The following C8orf90 variants were observed in gnomAD, a reference collection of about 807,000 sequenced individuals.
C8orf90 encodes chromosome 8 open reading frame 90.
the C8orf90 span, chr8:141,518,203 C>T: frequency 3.5e-6 from 2 of 573,728 alleles, no homozygotes; most frequent in Admixed American, 6.6e-5. Flanking sequence ...TTCACTGTCC[C>T]CTCCGCCCGC....
chr8:141,516,197 C>T, the C8orf90 span, among the ~76,000 whole-genome samples: 10 of 152,324 alleles, frequency 6.6e-5, no homozygotes, highest in Non-Finnish European at 1.0e-4. Context: ...ACCGCTCTTT[C>T]CCAGGTCGTT....
chr8:141,518,356 G>C, the C8orf90 span: 1 of 676,884 alleles, frequency 1.5e-6, no homozygotes, highest in Non-Finnish European at 2.7e-6. Flanking sequence ...CGTGCTCACC[G>C]AGAACTTCAC....
chr8:141,518,384 C>T, the C8orf90 span: 2 of 676,842 alleles, frequency 3.0e-6, no homozygotes, highest in South Asian at 1.5e-5. Context: ...TTCCCGTTCG[C>T]CTGGCCGCCG....
At chr8:141,514,978 C>T in the C8orf90 span, among the ~76,000 whole-genome samples, 1 of 151,984 alleles carries the variant, frequency 6.6e-6, no homozygotes, top group African/African-American at 2.4e-5. Flanking sequence ...CCCTACGCTC[C>T]CCAATGCTCT....
chr8:141,517,349 C>T, the C8orf90 span, among the ~76,000 whole-genome samples: 1 of 152,220 alleles, frequency 6.6e-6, no homozygotes, highest in Non-Finnish European at 1.5e-5. Flanking sequence ...CAAGTGAGGT[C>T]CCATGGCTGC....
the C8orf90 span, chr8:141,518,346 C>G: frequency 1.5e-6 from 1 of 674,436 alleles, no homozygotes. Context: ...TCGCCATCCG[C>G]GTGCTCACCG....
chr8:141,517,231 A>G, the C8orf90 span, among the ~76,000 whole-genome samples: 1 of 66,586 alleles, frequency 1.5e-5, no homozygotes, highest in African/African-American at 3.8e-5. Flanking sequence ...ATTCATGGTC[A>G]TATTCATCCA....
the C8orf90 span, chr8:141,514,771 A>C: frequency 1.4e-6 from 1 of 700,618 alleles, no homozygotes; most frequent in Non-Finnish European, 2.6e-6. Flanking sequence ...CAGGCGAGAC[A>C]CTTGGTGAGG....
the C8orf90 span, chr8:141,518,501 C>T: frequency 1.1e-5 from 7 of 615,198 alleles, no homozygotes; most frequent in Non-Finnish European, 2.0e-5. Flanking sequence ...CTGCTGCGGC[C>T]CCTGCACGCC....
chr8:141,514,974 G>C, the C8orf90 span, among the ~76,000 whole-genome samples: 15,319 of 151,938 alleles, frequency 0.1, 871 homozygotes, highest in African/African-American at 0.14. Flanking sequence ...TCCTCCCTAC[G>C]CTCCCCAATG....
At chr8:141,518,284 C>T in the C8orf90 span, 1 of 662,256 alleles carries the variant, frequency 1.5e-6, no homozygotes, top group South Asian at 1.6e-5. Context: ...CTGGGAGGCG[C>T]ATTTCCGCGG....
chr8:141,514,730 G>T, the C8orf90 span: 1 of 701,644 alleles, frequency 1.4e-6, no homozygotes. Flanking sequence ...CCCCAGCCCA[G>T]CAGGTCTGCC....
the C8orf90 span, among the ~76,000 whole-genome samples, chr8:141,517,603 T>C: frequency 6.6e-6 from 1 of 152,112 alleles, no homozygotes; most frequent in Non-Finnish European, 1.5e-5. Context: ...GATTCCAGGG[T>C]CAGCTGTGTC....
chr8:141,515,445 T>TGC, the C8orf90 span, among the ~76,000 whole-genome samples: 1 of 137,842 alleles, frequency 7.3e-6, no homozygotes, highest in Non-Finnish European at 1.6e-5. Context: ...CCCTGCCCTC[T>TGC]CCCTAGCTCT....
At chr8:141,518,431 C>T in the C8orf90 span, 3 of 667,980 alleles carry the variant, frequency 4.5e-6, no homozygotes, top group Non-Finnish European at 5.4e-6. Flanking sequence ...CTTCTACGAC[C>T]CCCGCGACCG....
chr8:141,515,583 G>T, the C8orf90 span, among the ~76,000 whole-genome samples: 1 of 151,926 alleles, frequency 6.6e-6, no homozygotes, highest in African/African-American at 2.4e-5. Flanking sequence ...GCACTCTGGG[G>T]ATTCTTGCCC....
the C8orf90 span, among the ~76,000 whole-genome samples, chr8:141,517,203 T>A: frequency 6.6e-6 from 1 of 152,224 alleles, no homozygotes; most frequent in Non-Finnish European, 1.5e-5. Flanking sequence ...CCAAGGGTGT[T>A]GGGAGAAGGA....
the C8orf90 span, among the ~76,000 whole-genome samples, chr8:141,515,995 G>A: frequency 6.6e-6 from 1 of 152,158 alleles, no homozygotes; most frequent in Non-Finnish European, 1.5e-5. Flanking sequence ...AGAAGCTGAA[G>A]GCATTGGAAG....
chr8:141,516,739 T>A, the C8orf90 span, among the ~76,000 whole-genome samples: 3 of 152,182 alleles, frequency 2.0e-5, no homozygotes, highest in Non-Finnish European at 4.4e-5. Context: ...CAGGCTCTTG[T>A]GTGAGCGGAT....
Sources: allele counts gnomAD v4.1 joint callset (sites outside exome capture counted in the v4.1 genomes callset), GRCh38; gene constraint gnomAD v4.1.1; transcripts MANE v1.5; gene names NCBI Gene and HGNC (gene_info 2026-07-23, HGNC 2026-07-21).